Variants in LRP1B observed in about 807,000 individuals in gnomAD.
LRP1B encodes the protein low-density lipoprotein receptor-related protein 1B.
Under a neutral mutation model 556.6 loss-of-function variants are expected in LRP1B, and 217 were observed. The observed-to-expected ratio is 0.39, with a 90% CI of 0.35 to 0.44. The LOEUF is 0.44. Ranked by LOEUF, LRP1B falls within the 20% of genes least tolerant of loss-of-function variation. LRP1B has a pLI of 1.00. For missense variants in LRP1B, 5,053 were observed against 5,620.8 expected (o/e 0.90, Z 3.23); for synonymous variants, 2,047 against 1,865.8 (o/e 1.10, Z -2.50).
chr2:140,709,445 CAGG>C (rs1422155365), intron 37 of LRP1B, among the ~76,000 whole-genome samples: 6 of 141,438 alleles, frequency 4.2e-5, no homozygotes, highest in Admixed American at 2.1e-4. Flanking sequence ...GGAGGAGGAG[CAGG>C]AGGAAGAAGA....
intron 21 of LRP1B, among the ~76,000 whole-genome samples, chr2:140,916,464 C>G (rs1185947415): frequency 6.6e-6 from 1 of 152,206 alleles, no homozygotes; most frequent in Non-Finnish European, 1.5e-5. Context: ...CAGATCAGAA[C>G]AGAGTATGAT....
At chr2:140,659,165 A>G (rs6429842) in intron 41 of LRP1B, among the ~76,000 whole-genome samples, 1,864 of 122,918 alleles carry the variant, frequency 0.015, 42 homozygotes, top group African/African-American at 0.054. Flanking sequence ...GACTCTTTAC[A>G]TGTTATAAAT....
At chr2:141,291,855 C>CAAAAAAAAAAAAAAAAAAAAAAAA (rs143819331) in intron 3 of LRP1B, among the ~76,000 whole-genome samples, 1 of 99,334 alleles carries the variant, frequency 1.0e-5, no homozygotes, top group Non-Finnish European at 1.9e-5. Context: ...GACTCTGTCT[C>CAAAAAAAAAAAAAAAAAAAAAAAA]AAAAAAAAAA....
At chr2:141,844,932 A>T (rs1697594146) in intron 1 of LRP1B, among the ~76,000 whole-genome samples, 1 of 151,796 alleles carries the variant, frequency 6.6e-6, no homozygotes, top group South Asian at 2.1e-4. Context: ...GAATTTTCAA[A>T]ATTTCTTCAT....
At chr2:141,593,960 T>C (rs1473018058) in intron 2 of LRP1B, among the ~76,000 whole-genome samples, 1 of 152,102 alleles carries the variant, frequency 6.6e-6, no homozygotes, top group Non-Finnish European at 1.5e-5. Flanking sequence ...ATCTTCCTGC[T>C]TGGCATGCTT....
At chr2:141,391,865 C>T (rs1690060503) in intron 3 of LRP1B, among the ~76,000 whole-genome samples, 1 of 152,178 alleles carries the variant, frequency 6.6e-6, no homozygotes, top group Non-Finnish European at 1.5e-5. Context: ...ATTCTAGAGG[C>T]TGGTATCAGT....
chr2:140,730,338 GT>G (rs1687734364), intron 35 of LRP1B, among the ~76,000 whole-genome samples: 1 of 152,048 alleles, frequency 6.6e-6, no homozygotes, highest in African/African-American at 2.4e-5. Context: ...TGAAGTCCAG[GT>G]TCTTTAGTAC....
At chr2:141,554,392 A>G (rs1685885582) in intron 2 of LRP1B, among the ~76,000 whole-genome samples, 2 of 150,134 alleles carry the variant, frequency 1.3e-5, no homozygotes, top group Admixed American at 6.7e-5. Flanking sequence ...GAATAGATAT[A>G]CATTATATAT....
At chr2:140,430,305 G>C (rs1176397639) in intron 66 of LRP1B, among the ~76,000 whole-genome samples, 1 of 152,132 alleles carries the variant, frequency 6.6e-6, no homozygotes, top group African/African-American at 2.4e-5. Flanking sequence ...TATTTATACT[G>C]ATTCTAAATA....
chr2:141,654,565 G>A (rs1341195650), intron 2 of LRP1B, among the ~76,000 whole-genome samples: 1 of 151,940 alleles, frequency 6.6e-6, no homozygotes, highest in African/African-American at 2.4e-5. Context: ...CTGCTCATCT[G>A]CTTGCTTCTT....
chr2:142,048,159 A>T (rs1461280256), intron 1 of LRP1B, among the ~76,000 whole-genome samples: 2 of 152,106 alleles, frequency 1.3e-5, no homozygotes, highest in African/African-American at 4.8e-5. Context: ...TTACAAAAGT[A>T]GGCAGCATCT....
intron 3 of LRP1B, among the ~76,000 whole-genome samples, chr2:141,446,751 G>C (rs1290904951): frequency 1.3e-5 from 2 of 152,156 alleles, no homozygotes; most frequent in African/African-American, 2.4e-5. Flanking sequence ...ACTCTCTGCT[G>C]GTTTGCAGGG....
chr2:140,250,232 T>C (rs1681348858), intron 86 of LRP1B, among the ~76,000 whole-genome samples: 1 of 151,804 alleles, frequency 6.6e-6, no homozygotes, highest in Admixed American at 6.6e-5. Flanking sequence ...GCCCTTAGTC[T>C]TAGGACCATA....
chr2:140,507,929 T>G (rs1418878629), intron 52 of LRP1B, among the ~76,000 whole-genome samples: 1 of 152,188 alleles, frequency 6.6e-6, no homozygotes, highest in Admixed American at 6.5e-5. Flanking sequence ...AAAATGTATC[T>G]GATACATTTC....
chr2:141,105,491 C>T (rs1217155474), intron 7 of LRP1B, among the ~76,000 whole-genome samples: 2 of 152,114 alleles, frequency 1.3e-5, no homozygotes, highest in Non-Finnish European at 2.9e-5. Flanking sequence ...AGCTTTCAGA[C>T]TTGGTCTGCA....
chr2:140,956,900 A>G (rs1403759710), intron 18 of LRP1B, among the ~76,000 whole-genome samples: 2 of 151,738 alleles, frequency 1.3e-5, no homozygotes, highest in Admixed American at 1.3e-4. Context: ...GAAATATTTT[A>G]TTGGTTCAAG....
chr2:141,749,275 T>C (rs764764669), intron 2 of LRP1B, among the ~76,000 whole-genome samples: 15 of 152,270 alleles, frequency 9.9e-5, no homozygotes, highest in Non-Finnish European at 1.9e-4. Context: ...AATAGACAAG[T>C]GTGTAATAAT....
At chr2:141,519,404 A>ATATATATATATAT (rs1559118212) in intron 2 of LRP1B, among the ~76,000 whole-genome samples, 2 of 9,390 alleles carry the variant, frequency 2.1e-4, no homozygotes, top group African/African-American at 8.0e-4. Context: ...TATATATATG[A>ATATATATATATAT]AATGCAATAT....
intron 2 of LRP1B, among the ~76,000 whole-genome samples, chr2:141,778,517 A>G (rs761551239): frequency 3.9e-4 from 59 of 152,182 alleles, no homozygotes; most frequent in Admixed American, 1.2e-3. Context: ...GTAGTGCTTC[A>G]CAGGCAAAGT....
Sources: allele counts gnomAD v4.1 joint callset (sites outside exome capture counted in the v4.1 genomes callset), GRCh38; gene constraint gnomAD v4.1.1; transcripts MANE v1.5; gene names NCBI Gene and HGNC (gene_info 2026-07-23, HGNC 2026-07-21).